The following LLGL2 variants were observed in gnomAD, a reference collection of about 807,000 sequenced individuals.
The protein encoded by LLGL2 is LLGL2, scribble cell polarity complex component.
A neutral mutation model predicts 123.2 loss-of-function variants in LLGL2; 81 were observed. The ratio of observed to expected loss-of-function variants is 0.66; its 90% CI spans 0.55 to 0.79. LLGL2 has a LOEUF of 0.79. LLGL2 is among the 30% of genes least tolerant of loss of function. The pLI is 0.00. For missense variants in LLGL2, 1,273 were observed against 1,414.6 expected (o/e 0.90, Z 1.61); for synonymous variants, 577 against 594.1 (o/e 0.97, Z 0.42).
rs1016243159 is a variant in LLGL2, at chr17:75,568,680, A to C, written c.1241A>C (p.His414Pro). ...GCCGCCGGCAGCCGGCAGAACGCAC[A>C]CTTCTCCACCATGGTAGGTCTGGCC... ...IIAAGSRQNA[H>P]FSTMEWPIDG... is the part of the protein sequence containing the mutation. Residue 414 changes from histidine (H) to proline (P), a missense_variant, in exon 11 of 26, where the codon CAC becomes CCC. His to Pro is a moderately conservative substitution (Grantham distance 77). Coordinates refer to ENST00000392550, the MANE Select transcript of LLGL2 (RefSeq NM_001031803.2). The C allele has an allele frequency of 1.9e-6, 3 of 1,613,634 alleles. No homozygotes were observed. Among genetic ancestry groups the C allele is most frequent in the Non-Finnish European group, 2.5e-6 (3 of 1,180,002 alleles).
intron 2 of LLGL2, among the ~76,000 whole-genome samples, chr17:75,554,098 T>C (rs1374017432): frequency 2.0e-5 from 3 of 151,924 alleles, no homozygotes; most frequent in African/African-American, 7.3e-5. Flanking sequence ...GGTCAAGAGT[T>C]CAAGACCAGC....
chr17:75,543,808 A>C (rs759436881), intron 2 of LLGL2, among the ~76,000 whole-genome samples: 3 of 152,124 alleles, frequency 2.0e-5, no homozygotes, highest in Admixed American at 6.5e-5. Flanking sequence ...ACGATCTGCC[A>C]TGTCTACCTC....
intron 1 of LLGL2, among the ~76,000 whole-genome samples, chr17:75,541,231 C>T (rs755072570): frequency 1.3e-5 from 2 of 152,232 alleles, no homozygotes; most frequent in Non-Finnish European, 2.9e-5. Flanking sequence ...CTTGTCCCCT[C>T]CCTGGAGTCT....
At position 75,571,849 on chromosome 17, in the gene LLGL2, C is replaced by T. The variant is rs752315745; in HGVS notation, c.2294-49C>T. 6.9e-6 allele frequency: 11 copies of T among 1,605,036 alleles called. No homozygotes were observed. The Admixed American group carries it at 1.0e-4, about 15-fold the overall frequency. ...CTGGGCTGGGTCCAGGGAGTGGCTC[C>T]AGCCCTGCCACCCCCTCACCAGCCC... On this transcript the variant is annotated intron_variant, in intron 18 of 25. Coordinates refer to ENST00000392550, the MANE Select transcript of LLGL2 (RefSeq NM_001031803.2).
chr17:75,544,322 A>G lies in LLGL2; in HGVS notation c.75+821A>G, dbSNP rs1411281151. Among the ~76,000 whole-genome samples the G allele has an allele frequency of 1.3e-5, 2 of 152,132 alleles. No homozygotes were observed. The highest frequency in any genetic ancestry group is 4.8e-5 in the African/African-American group (2 of 41,424). ...CCCCCGGGGAGCCAGGACCCTCCCAATATGCTGAGGGCAGGACATGTGGCT... is the reference window on the plus strand; with the variant it reads ...CCCCCGGGGAGCCAGGACCCTCCCAGTATGCTGAGGGCAGGACATGTGGCT... On this transcript the variant is annotated intron_variant, in intron 2 of 25. Coordinates refer to ENST00000392550, the MANE Select transcript of LLGL2 (RefSeq NM_001031803.2). The surrounding 1 kb of genome is among the most constrained non-coding windows in gnomAD (Gnocchi z 4.2).
chr17:75,536,283 G>C (rs1187610585), intron 1 of LLGL2, among the ~76,000 whole-genome samples: 2 of 152,142 alleles, frequency 1.3e-5, no homozygotes, highest in African/African-American at 4.8e-5. Context: ...CAGCCTGTGG[G>C]CTCCTGAACT....
At chr17:75,570,321 G>A in intron 15 of LLGL2, 27 bp from the exon 16 acceptor site, 1 of 1,609,546 alleles carries the variant, frequency 6.2e-7, no homozygotes. Flanking sequence ...GGACCTAGCA[G>A]CACTGACAGC....
chr17:75,550,780 CAAAAAAAAAA>C (rs57482643), intron 2 of LLGL2, among the ~76,000 whole-genome samples: 1 of 94,698 alleles, frequency 1.1e-5, no homozygotes, highest in Non-Finnish European at 2.0e-5. Flanking sequence ...GACCCTGTCT[CAAAAAAAAAA>C]AAAAAAAAAA....
At chr17:75,541,706 G>A (rs1378789866) in intron 1 of LLGL2, among the ~76,000 whole-genome samples, 1 of 137,164 alleles carries the variant, frequency 7.3e-6, no homozygotes, top group African/African-American at 2.6e-5. Flanking sequence ...CAAGGGGGAT[G>A]TGGCTCTGCT....
At chr17:75,539,970 T>C (rs927101964) in intron 1 of LLGL2, among the ~76,000 whole-genome samples, 1 of 152,222 alleles carries the variant, frequency 6.6e-6, no homozygotes, top group African/African-American at 2.4e-5. Flanking sequence ...CTGTCACTGC[T>C]GTATCCCTTT....
Position 75,559,266 on chromosome 17 carries a change from C to T in LLGL2, c.386C>T (p.Ala129Val), listed in dbSNP as rs773239055. The change falls in exon 6 of 26, where the codon GCC becomes GTC. Residue 129 changes from alanine (A) to valine (V), a missense_variant. Coordinates refer to ENST00000392550, the MANE Select transcript of LLGL2 (RefSeq NM_001031803.2). This position sits in a 1 kb window ranked among gnomAD's most constrained non-coding sequence, Gnocchi z 4.6. ...LRGPPGAAPSATQITVVLPHS... is the reference protein window; with the variant it reads ...LRGPPGAAPSVTQITVVLPHS... ...TCTTGTCACAGGGCTGCCCCCAGTGCCACACAGATCACCGTGGTCCTGCCA... is the reference window on the plus strand; with the variant it reads ...TCTTGTCACAGGGCTGCCCCCAGTGTCACACAGATCACCGTGGTCCTGCCA... The T allele has an allele frequency of 6.8e-6, 11 of 1,608,232 alleles. 1 individual carries two copies. In the South Asian group the frequency reaches 1.1e-4, roughly 16 times the overall value.
chr17:75,564,363 A>G lies in LLGL2; in HGVS notation c.892A>G (p.Thr298Ala), dbSNP rs2055354387. Residue 298 changes from threonine (T) to alanine (A), a missense_variant, in exon 10 of 26, where the codon ACC becomes GCC. By Grantham distance (58) the Thr-to-Ala change is moderately conservative (BLOSUM62 0). Transcript: ENST00000392550. The surrounding 1 kb of genome is among the most constrained non-coding windows in gnomAD (Gnocchi z 4.9). ...CTCTGTGCCTGCCAGGTTGCCCTTCACCATCTTCCAGGGTGGCATGCCACG... is the reference window on the plus strand; with the variant it reads ...CTCTGTGCCTGCCAGGTTGCCCTTCGCCATCTTCCAGGGTGGCATGCCACG... ...WLTTRQGLPF[T>A]IFQGGMPRAS... is the part of the protein sequence containing the mutation. 6.2e-7 allele frequency: 1 copy of G among 1,609,374 alleles called. No homozygotes were observed. Among genetic ancestry groups the G allele is most frequent in the Non-Finnish European group, 8.5e-7 (1 of 1,178,798 alleles).
At chr17:75,555,091 G>A (rs913220121) in intron 2 of LLGL2, among the ~76,000 whole-genome samples, 3 of 149,790 alleles carry the variant, frequency 2.0e-5, no homozygotes, top group Non-Finnish European at 4.4e-5. Context: ...GCAGGAGAAT[G>A]GCATGAACCC....
At chr17:75,528,554 C>T (rs912592529) in intron 1 of LLGL2, among the ~76,000 whole-genome samples, 12 of 152,174 alleles carry the variant, frequency 7.9e-5, no homozygotes, top group African/African-American at 2.9e-4. Context: ...GCCTCACCAA[C>T]ATGGAGATAC....
intron 1 of LLGL2, among the ~76,000 whole-genome samples, chr17:75,537,119 G>A (rs564729330): frequency 9.3e-4 from 141 of 152,208 alleles, no homozygotes; most frequent in African/African-American, 3.1e-3. Flanking sequence ...CACAGCGCCC[G>A]GCCCTTTTAT....
chr17:75,560,802 T>TTA lies in LLGL2; in HGVS notation c.530+1392_530+1393insTA, dbSNP rs1426325926. On this transcript the variant is annotated intron_variant, in intron 6 of 25. Transcript: ENST00000392550. ...CGCCTGGCCCAGTTTGTTTATTTAT[T>TTA]AAAAAAAAAAAAAAAAAAAAAAAAA... Among the ~76,000 whole-genome samples the TTA allele has an allele frequency of 1.0e-4, 10 of 96,124 alleles. No homozygotes were observed. In the South Asian group the frequency reaches 3.2e-3, roughly 31 times the overall value. The allele number at this position is 96,124 out of a possible 152,430, so 63.1% of individuals were successfully genotyped here.
chr17:75,528,731 T>C (rs2053665696), intron 1 of LLGL2, among the ~76,000 whole-genome samples: 1 of 136,524 alleles, frequency 7.3e-6, no homozygotes, highest in African/African-American at 2.9e-5. Context: ...AGAGCAAAAC[T>C]CCATCTCAAA....
At chr17:75,539,407 C>A (rs1336794418) in intron 1 of LLGL2, among the ~76,000 whole-genome samples, 2 of 150,918 alleles carry the variant, frequency 1.3e-5, no homozygotes, top group Non-Finnish European at 2.9e-5. Context: ...GAAAAAATGT[C>A]CTTTCCTTTT....
chr17:75,540,198 CAGGAT>C (rs1401912546), intron 1 of LLGL2, among the ~76,000 whole-genome samples: 1 of 152,186 alleles, frequency 6.6e-6, no homozygotes, highest in Non-Finnish European at 1.5e-5. Flanking sequence ...GCTGAGTAGG[CAGGAT>C]CTGTTCATAC....
Sources: gnomAD v4.1 joint callset for allele counts (sites outside exome capture counted in the v4.1 genomes callset) on GRCh38, gnomAD v4.1.1 for gene constraint, Gnocchi (gnomAD v3.1) non-coding constraint, MANE v1.5 for transcripts, NCBI Gene and HGNC (gene_info 2026-07-23, HGNC 2026-07-21) for gene names.